CNTNAP2: variants seen among roughly 807,000 people sequenced by gnomAD.
The protein encoded by CNTNAP2 is contactin associated protein 2.
Under a neutral mutation model 155.2 loss-of-function variants are expected in CNTNAP2, and 98 were observed. The observed-to-expected ratio is 0.63, with a 90% CI of 0.54 to 0.75. The LOEUF is 0.75. Ranked by LOEUF, CNTNAP2 falls within the 30% of genes least tolerant of loss-of-function variation. The pLI is 0.00. For missense variants in CNTNAP2, 1,727 were observed against 1,688.1 expected, an observed-to-expected ratio of 1.02 and a Z score of -0.40; for synonymous variants, 651 against 631.2, an observed-to-expected ratio of 1.03 and a Z score of -0.47.
At chr7:146,811,703 C>A (rs1054510464) in intron 2 of CNTNAP2, among the ~76,000 whole-genome samples, 1 of 152,104 alleles carries the variant, frequency 6.6e-6, no homozygotes, top group African/African-American at 2.4e-5. Context: ...GCACCCAAAT[C>A]CTATCTTAAA....
intron 10 of CNTNAP2, among the ~76,000 whole-genome samples, chr7:147,441,078 GT>G (rs1247763250): frequency 2.0e-5 from 3 of 151,944 alleles, no homozygotes; most frequent in African/African-American, 7.2e-5. Context: ...TCTCTACCTT[GT>G]ATTTAAGGCC....
chr7:147,738,244 A>G (rs1796891802), intron 13 of CNTNAP2, among the ~76,000 whole-genome samples: 1 of 152,212 alleles, frequency 6.6e-6, no homozygotes, highest in South Asian at 2.1e-4. Context: ...CAACGGATTA[A>G]GAATATTACA....
At chr7:147,754,038 A>G (rs533143826) in intron 13 of CNTNAP2, among the ~76,000 whole-genome samples, 1 of 152,252 alleles carries the variant, frequency 6.6e-6, no homozygotes, top group African/African-American at 2.4e-5. Context: ...CCCTCGTTTC[A>G]GCTCTAAATA....
intron 1 of CNTNAP2, among the ~76,000 whole-genome samples, chr7:146,666,257 C>G (rs569298760): frequency 1.3e-5 from 2 of 152,206 alleles, no homozygotes; most frequent in African/African-American, 4.8e-5. Context: ...GTTTAAGGAT[C>G]CTGTTCCTGG....
At chr7:147,008,789 G>T (rs1261918987) in intron 3 of CNTNAP2, among the ~76,000 whole-genome samples, 1 of 152,056 alleles carries the variant, frequency 6.6e-6, no homozygotes, top group Non-Finnish European at 1.5e-5. Flanking sequence ...AGTTCGTAAG[G>T]TTTATTTATC....
rs371726085 is a variant in CNTNAP2, at chr7:147,383,592, G to A, written c.1499-12017G>A. Among the ~76,000 whole-genome samples the A allele has an allele frequency of 5.9e-5, 9 of 152,206 alleles. No individual in the cohort carries two copies. The South Asian group carries it at 1.7e-3, about 28-fold the overall frequency. ...CAATGAGAACACATGGACACAGGGA[G>A]GGGAACACCACGCACCGGGGCCTGT... On this transcript the variant is annotated intron_variant, in intron 9 of 23. Transcript: ENST00000361727.
intron 15 of CNTNAP2, among the ~76,000 whole-genome samples, chr7:148,087,676 A>G (rs894297601): frequency 2.6e-5 from 4 of 152,158 alleles, no homozygotes; most frequent in African/African-American, 9.7e-5. Flanking sequence ...TCCCAGACTC[A>G]TTCCAATTTG....
At chr7:147,558,443 T>C (rs555606518) in intron 11 of CNTNAP2, among the ~76,000 whole-genome samples, 1 of 152,310 alleles carries the variant, frequency 6.6e-6, no homozygotes, top group East Asian at 1.9e-4. Flanking sequence ...CTGAGGACAG[T>C]AGTGCCAGCG....
chr7:147,231,970 C>T (rs1040847324), intron 8 of CNTNAP2, among the ~76,000 whole-genome samples: 11 of 151,980 alleles, frequency 7.2e-5, no homozygotes, highest in Non-Finnish European at 1.0e-4. Flanking sequence ...TGTTTATTTG[C>T]GCTTTTGTTG....
At chr7:147,887,316 C>T (rs375703771) in intron 13 of CNTNAP2, among the ~76,000 whole-genome samples, 2 of 152,024 alleles carry the variant, frequency 1.3e-5, no homozygotes, top group East Asian at 3.9e-4. Context: ...TACTAAAATA[C>T]AAAAATTAGC....
At chr7:146,199,041 A>G (rs1798818856) in intron 1 of CNTNAP2, among the ~76,000 whole-genome samples, 2 of 151,912 alleles carry the variant, frequency 1.3e-5, no homozygotes, top group Admixed American at 1.3e-4. Context: ...TTTTTCCAAG[A>G]CCCCTTTATT....
At chr7:148,357,031 A>T (rs1459902768) in intron 21 of CNTNAP2, among the ~76,000 whole-genome samples, 2 of 152,102 alleles carry the variant, frequency 1.3e-5, no homozygotes, top group Non-Finnish European at 2.9e-5. Context: ...TTTATCCAAT[A>T]TCCATCCCTA....
At chr7:147,345,249 T>C (rs1411366134) in intron 9 of CNTNAP2, among the ~76,000 whole-genome samples, 1 of 152,208 alleles carries the variant, frequency 6.6e-6, no homozygotes, top group Admixed American at 6.5e-5. Context: ...TTGTCATGTT[T>C]ACTTTTATTT....
Position 147,007,834 on chromosome 7 carries a change from A to G in CNTNAP2, c.403-36073A>G, listed in dbSNP as rs113584327. ...GAGAAAATCATACTCACTCTCCAAT[A>G]AGTAAATTACAAAAAAAATACTTAT... On this transcript the variant is annotated intron_variant, in intron 3 of 23. Coordinates refer to ENST00000361727, the MANE Select transcript of CNTNAP2 (RefSeq NM_014141.6). Among the ~76,000 whole-genome samples the G allele has an allele frequency of 5.6e-3, 848 of 152,234 alleles. 2 individuals are homozygous for G. The highest frequency in any genetic ancestry group is 9.1e-3 in the Non-Finnish European group (618 of 68,000).
chr7:147,948,413 C>T (rs1044792416), intron 14 of CNTNAP2, among the ~76,000 whole-genome samples: 1 of 151,302 alleles, frequency 6.6e-6, no homozygotes, highest in Non-Finnish European at 1.5e-5. Context: ...CAAAACATCT[C>T]ATGTACCCCC....
intron 1 of CNTNAP2, among the ~76,000 whole-genome samples, chr7:146,674,372 C>A (rs1800359600): frequency 6.6e-6 from 1 of 152,018 alleles, no homozygotes; most frequent in South Asian, 2.1e-4. Context: ...TAGCATTTAT[C>A]TAATTTTAGA....
chr7:147,454,577 C>T (rs1043262742), intron 10 of CNTNAP2, among the ~76,000 whole-genome samples: 7 of 152,020 alleles, frequency 4.6e-5, no homozygotes, highest in African/African-American at 1.7e-4. Flanking sequence ...TTCAAGGATA[C>T]AATAAAATTT....
intron 3 of CNTNAP2, among the ~76,000 whole-genome samples, chr7:146,957,285 T>C (rs1342135957): frequency 6.6e-6 from 1 of 152,164 alleles, no homozygotes; most frequent in Non-Finnish European, 1.5e-5. Flanking sequence ...TAATGCATTG[T>C]CCTAAAATGT....
At chr7:147,767,276 A>G (rs1326657481) in intron 13 of CNTNAP2, among the ~76,000 whole-genome samples, 1 of 152,060 alleles carries the variant, frequency 6.6e-6, no homozygotes, top group Admixed American at 6.6e-5. Context: ...AAACAAAACA[A>G]AAAACCTCAA....
Sources: allele counts gnomAD v4.1 joint callset (sites outside exome capture counted in the v4.1 genomes callset), GRCh38; gene constraint gnomAD v4.1.1; transcripts MANE v1.5; gene names NCBI Gene and HGNC (gene_info 2026-07-23, HGNC 2026-07-21).